Variants in B4GALT6 observed in about 807,000 individuals in gnomAD.
B4GALT6 encodes the protein beta-1,4-galactosyltransferase 6.
Under a neutral mutation model 46.3 loss-of-function variants are expected in B4GALT6, and 14 were observed. That is an observed-to-expected ratio of 0.30 (90% CI 0.20 to 0.47). B4GALT6 has a LOEUF of 0.47. Ranked by LOEUF, B4GALT6 falls within the 20% of genes least tolerant of loss-of-function variation. B4GALT6 has a pLI of 0.99. For synonymous variants in B4GALT6, 168 were observed against 162.0 expected, an observed-to-expected ratio of 1.04 and a Z score of -0.28; for missense variants, 386 against 480.1, an observed-to-expected ratio of 0.80 and a Z score of 1.83.
At chr18:31,660,041 TTC>T (rs2074193761) in intron 2 of B4GALT6, among the ~76,000 whole-genome samples, 1 of 150,264 alleles carries the variant, frequency 6.7e-6, no homozygotes, top group African/African-American at 2.5e-5. Context: ...CAGCATTGAC[TTC>T]CTGGGCTCAA....
intron 3 of B4GALT6, among the ~76,000 whole-genome samples, chr18:31,656,067 G>C (rs1472395134): frequency 1.3e-5 from 2 of 152,116 alleles, no homozygotes; most frequent in Non-Finnish European, 2.9e-5. Context: ...TTGAGAGCTG[G>C]ACCAGCAATG....
intron 1 of B4GALT6, among the ~76,000 whole-genome samples, chr18:31,676,796 T>C (rs1191639796): frequency 1.3e-5 from 2 of 152,196 alleles, no homozygotes; most frequent in Non-Finnish European, 2.9e-5. Context: ...CAGAAACATC[T>C]GGGTACGTGT....
intron 1 of B4GALT6, among the ~76,000 whole-genome samples, chr18:31,679,426 T>G (rs760526257): frequency 5.3e-5 from 8 of 152,188 alleles, no homozygotes; most frequent in Non-Finnish European, 8.8e-5. Flanking sequence ...TCTCATCTCT[T>G]GAGTGTGGAA....
intron 3 of B4GALT6, among the ~76,000 whole-genome samples, chr18:31,655,586 T>TGGCA (rs1469181635): frequency 6.6e-6 from 1 of 152,126 alleles, no homozygotes; most frequent in African/African-American, 2.4e-5. Flanking sequence ...AATGATGAAG[T>TGGCA]GGCAGACAGA....
chr18:31,710,964 T>C, the B4GALT6 span, among the ~76,000 whole-genome samples: 1 of 152,106 alleles, frequency 6.6e-6, no homozygotes, highest in African/African-American at 2.4e-5. Flanking sequence ...GCATACTTCC[T>C]CATGTTTGGG....
chr18:31,643,462 C>A (rs2073955083), intron 4 of B4GALT6, among the ~76,000 whole-genome samples: 1 of 152,068 alleles, frequency 6.6e-6, no homozygotes, highest in South Asian at 2.1e-4. Context: ...CCATGCCCGG[C>A]TAATTTTTGT....
chr18:31,671,810 CTAA>C (rs1182612188), intron 1 of B4GALT6, among the ~76,000 whole-genome samples: 1 of 152,198 alleles, frequency 6.6e-6, no homozygotes, highest in African/African-American at 2.4e-5. Context: ...TGTGTGTTCT[CTAA>C]TTTCATTCAT....
intron 1 of B4GALT6, among the ~76,000 whole-genome samples, chr18:31,676,657 A>G (rs760904994): frequency 4.1e-4 from 62 of 152,214 alleles, no homozygotes; most frequent in Non-Finnish European, 7.5e-4. Context: ...CAAGTTAATC[A>G]GGTTTTCAGT....
chr18:31,713,782 T>C, the B4GALT6 span, among the ~76,000 whole-genome samples: 1 of 151,864 alleles, frequency 6.6e-6, no homozygotes, highest in Non-Finnish European at 1.5e-5. Flanking sequence ...GCCAGGCAGG[T>C]AAAATACATG....
intron 1 of B4GALT6, among the ~76,000 whole-genome samples, chr18:31,682,801 AAG>A (rs1223292621): frequency 1.3e-5 from 2 of 152,224 alleles, no homozygotes; most frequent in Non-Finnish European, 2.9e-5. Flanking sequence ...CAAACTTTTA[AAG>A]AGTTACATGA....
intron 3 of B4GALT6, among the ~76,000 whole-genome samples, chr18:31,654,694 T>C (rs963421117): frequency 6.6e-6 from 1 of 152,236 alleles, no homozygotes; most frequent in Non-Finnish European, 1.5e-5. Context: ...TTAACTTCAC[T>C]TTTAGTGACT....
the B4GALT6 span, among the ~76,000 whole-genome samples, chr18:31,697,270 A>C: frequency 3.3e-5 from 5 of 151,924 alleles, no homozygotes; most frequent in Non-Finnish European, 7.4e-5. Flanking sequence ...TGTCTCCCCC[A>C]CCCTGAAAAA....
At position 31,623,737 on chromosome 18, in the gene B4GALT6, T is replaced by C. The variant is rs888892777; in HGVS notation, c.*1877A>G. ...TATGAAAATATTTTGTTTGGTATCA[T>C]AACACAGAAGCTATCCATTTTCTCA... On this transcript the variant is annotated 3_prime_UTR_variant, in exon 9 of 9. Coordinates refer to ENST00000306851, the MANE Select transcript of B4GALT6 (RefSeq NM_004775.5). 2.6e-5 allele frequency: 4 copies of C among 152,036 alleles called. No individual in the cohort carries two copies. The highest frequency in any genetic ancestry group is 9.6e-5 in the African/African-American group (4 of 41,456). The allele number at this position is 152,036 out of a possible 1,614,324, so 9.4% of individuals were successfully genotyped here. A position where few individuals can be genotyped will look rare whatever the true frequency, so the allele number is the denominator to read the frequency against.
At chr18:31,637,983 C>G (rs532356631) in intron 5 of B4GALT6, among the ~76,000 whole-genome samples, 50 of 152,138 alleles carry the variant, frequency 3.3e-4, no homozygotes, top group Non-Finnish European at 6.0e-4. Context: ...ACATCATAAG[C>G]CTAATGAAAA....
At chr18:31,641,127 C>T (rs2073925593) in intron 4 of B4GALT6, among the ~76,000 whole-genome samples, 1 of 152,172 alleles carries the variant, frequency 6.6e-6, no homozygotes, top group Non-Finnish European at 1.5e-5. Context: ...TAAATGGCTG[C>T]AGAGTCCCAA....
chr18:31,643,979 T>C (rs1567965409), intron 4 of B4GALT6, among the ~76,000 whole-genome samples: 2 of 152,164 alleles, frequency 1.3e-5, no homozygotes, highest in Admixed American at 1.3e-4. Flanking sequence ...TTAAAAATAA[T>C]TTATGTGCCC....
chr18:31,686,921 C>G (rs2029942696), upstream of B4GALT6: 1 of 152,202 alleles, frequency 6.6e-6, no homozygotes, highest in African/African-American at 2.4e-5. Flanking sequence ...GACCATTCTT[C>G]TCAGGCAAGG....
intron 4 of B4GALT6, among the ~76,000 whole-genome samples, chr18:31,640,354 T>G (rs2073914243): frequency 6.6e-6 from 1 of 152,216 alleles, no homozygotes; most frequent in African/African-American, 2.4e-5. Flanking sequence ...GAAAATAATA[T>G]TTAACCATGT....
intron 2 of B4GALT6, among the ~76,000 whole-genome samples, chr18:31,661,473 A>C (rs2074215833): frequency 6.6e-6 from 1 of 152,214 alleles, no homozygotes; most frequent in African/African-American, 2.4e-5. Flanking sequence ...ATATGAATAA[A>C]TGAGCAGTTA....
Sources: gnomAD v4.1 joint callset for allele counts (sites outside exome capture counted in the v4.1 genomes callset) on GRCh38, gnomAD v4.1.1 for gene constraint, MANE v1.5 for transcripts, NCBI Gene and HGNC (gene_info 2026-07-23, HGNC 2026-07-21) for gene names.